ADAMTS17: variants seen among roughly 807,000 people sequenced by gnomAD.
The protein encoded by ADAMTS17 is ADAM metallopeptidase with thrombospondin type 1 motif 17, also known as A disintegrin and metalloproteinase with thrombospondin motifs 17.
In ADAMTS17, 113 loss-of-function variants were observed where a neutral mutation model predicts 141.5. The ratio of observed to expected loss-of-function variants is 0.80; its 90% confidence interval spans 0.69 to 0.93. The LOEUF is 0.93. ADAMTS17 is among the 40% of genes least tolerant of loss of function. The pLI is 0.00. For missense variants in ADAMTS17, 1,659 were observed against 1,517.9 expected, an observed-to-expected ratio of 1.09 and a Z score of -1.54; for synonymous variants, 768 against 630.6, an observed-to-expected ratio of 1.22 and a Z score of -3.27.
At chr15:100,231,069 G>A (rs537943021) in intron 7 of ADAMTS17, among the ~76,000 whole-genome samples, 5 of 152,322 alleles carry the variant, frequency 3.3e-5, no homozygotes, top group South Asian at 2.1e-4. Context: ...CAGAGAGAGC[G>A]CCTGCACATC....
At chr15:100,233,369 G>A (rs1272129774) in intron 7 of ADAMTS17, among the ~76,000 whole-genome samples, 2 of 151,656 alleles carry the variant, frequency 1.3e-5, no homozygotes. Flanking sequence ...TCACTGAAAA[G>A]TCATATAAGT....
intron 2 of ADAMTS17, among the ~76,000 whole-genome samples, chr15:100,335,816 T>G (rs762806395): frequency 2.7e-4 from 41 of 152,046 alleles, no homozygotes; most frequent in Non-Finnish European, 4.4e-5. Context: ...TTCAAAGGAG[T>G]TAAGTGACTC....
chr15:100,024,333 C>T lies in ADAMTS17; in HGVS notation c.2591+24524G>A, dbSNP rs191096512. Among the ~76,000 whole-genome samples, 57 of 152,322 alleles carry T rather than the reference C, an allele frequency of 3.7e-4. 1 individual carries two copies. Among genetic ancestry groups the T allele is most frequent in the Non-Finnish European group, 8.2e-4 (56 of 68,034 alleles). On this transcript the variant is annotated intron_variant, in intron 18 of 21. Transcript: ENST00000268070. The stretch of plus-strand genomic sequence containing the variant: ...CTGGTCTCAAACTCCTGGCTTCAAG[C>T]AGTCCTCCCACCTTGGCCTCCCAAA...
rs560720169 is a variant in ADAMTS17 at position 100,175,390 on chromosome 15, C to T, written c.1182-20070G>A. On this transcript the variant is annotated intron_variant, in intron 8 of 21. Coordinates refer to ENST00000268070, the MANE Select transcript of ADAMTS17 (RefSeq NM_139057.4). ...TTTCCTTCTGCTTCAGGTAGGAGGT[C>T]GGCATGATTTCACCGGACTGAGGCA... 9.9e-5 allele frequency among the ~76,000 whole-genome samples: 15 copies of T among 152,200 alleles called. No individual in the cohort carries two copies. In the East Asian group the frequency reaches 1.9e-3, roughly 20 times the overall value.
At chr15:100,201,921 G>A (rs1024371664) in intron 7 of ADAMTS17, among the ~76,000 whole-genome samples, 1 of 152,188 alleles carries the variant, frequency 6.6e-6, no homozygotes, top group Admixed American at 6.5e-5. Context: ...ATGTGCACGC[G>A]GCCCACGTGG....
At chr15:100,050,643 G>C (rs574720552) in intron 17 of ADAMTS17, among the ~76,000 whole-genome samples, 2 of 152,324 alleles carry the variant, frequency 1.3e-5, no homozygotes, top group African/African-American at 4.8e-5. Context: ...TTACATATTG[G>C]ACATCTAACA....
chr15:100,223,654 C>A (rs570338901), intron 7 of ADAMTS17, among the ~76,000 whole-genome samples: 5 of 151,442 alleles, frequency 3.3e-5, no homozygotes, highest in Non-Finnish European at 5.9e-5. Flanking sequence ...TAGAACTTCA[C>A]ACACACACAC....
At chr15:100,162,874 ATATG>A (rs2039782494) in intron 8 of ADAMTS17, among the ~76,000 whole-genome samples, 1 of 146,582 alleles carries the variant, frequency 6.8e-6, no homozygotes, top group African/African-American at 2.5e-5. Context: ...ATATATAACT[ATATG>A]TATATATATG....
intron 10 of ADAMTS17, among the ~76,000 whole-genome samples, chr15:100,148,156 G>A (rs913999423): frequency 3.3e-5 from 5 of 152,226 alleles, no homozygotes; most frequent in African/African-American, 1.2e-4. Context: ...CACTGGCAAA[G>A]TCCTTTCACC....
chr15:100,060,351 G>C (rs192896737), intron 15 of ADAMTS17, among the ~76,000 whole-genome samples: 1 of 152,224 alleles, frequency 6.6e-6, no homozygotes, highest in Non-Finnish European at 1.5e-5. Context: ...CAATGAGCTG[G>C]AGTGTGAGGT....
chr15:100,284,193 T>C (rs552476638), intron 3 of ADAMTS17, among the ~76,000 whole-genome samples: 9 of 152,374 alleles, frequency 5.9e-5, no homozygotes, highest in African/African-American at 2.2e-4. Flanking sequence ...ATAAGACCTG[T>C]GCCTCCCTAG....
chr15:100,203,582 G>A (rs946476936), intron 7 of ADAMTS17, among the ~76,000 whole-genome samples: 6 of 152,202 alleles, frequency 3.9e-5, no homozygotes, highest in Non-Finnish European at 7.3e-5. Context: ...GCAGGTGCCT[G>A]TAGTCCCAGC....
chr15:100,218,634 G>A (rs1304971671), intron 7 of ADAMTS17, among the ~76,000 whole-genome samples: 6 of 152,174 alleles, frequency 3.9e-5, no homozygotes, highest in Non-Finnish European at 8.8e-5. Flanking sequence ...ATGTAAAACG[G>A]TGTAGACACT....
chr15:100,025,001 A>C (rs1486958959), intron 18 of ADAMTS17, among the ~76,000 whole-genome samples: 1 of 152,164 alleles, frequency 6.6e-6, no homozygotes, highest in Non-Finnish European at 1.5e-5. Context: ...AGCTCCTGTG[A>C]AGTAACCTGC....
At chr15:100,132,940 G>A (rs772441938) in intron 11 of ADAMTS17, among the ~76,000 whole-genome samples, 2 of 152,228 alleles carry the variant, frequency 1.3e-5, no homozygotes, top group Non-Finnish European at 1.5e-5. Context: ...ATATACTGGT[G>A]AAAGTGTTCC....
intron 7 of ADAMTS17, among the ~76,000 whole-genome samples, chr15:100,205,453 T>C (rs75900749): frequency 0.039 from 5,910 of 152,192 alleles, 373 homozygotes; most frequent in African/African-American, 0.13. Flanking sequence ...CATGGAGATA[T>C]CGTGCAGATT....
At chr15:100,102,860 G>A (rs1394710008) in intron 14 of ADAMTS17, among the ~76,000 whole-genome samples, 3 of 152,136 alleles carry the variant, frequency 2.0e-5, no homozygotes, top group Non-Finnish European at 4.4e-5. Context: ...CCATGAGCAT[G>A]CCGATGCACC....
intron 6 of ADAMTS17, among the ~76,000 whole-genome samples, chr15:100,254,931 G>A (rs1384400024): frequency 2.0e-5 from 3 of 152,012 alleles, no homozygotes; most frequent in Non-Finnish European, 2.9e-5. Flanking sequence ...GTTGATCTGT[G>A]CTACAAACCA....
At chr15:100,009,383 A>G (rs1294798999) in intron 18 of ADAMTS17, among the ~76,000 whole-genome samples, 2 of 152,038 alleles carry the variant, frequency 1.3e-5, no homozygotes, top group African/African-American at 2.4e-5. Flanking sequence ...CCTCATCATG[A>G]CCCTGAAAGT....
Sources: allele counts gnomAD v4.1 joint callset (sites outside exome capture counted in the v4.1 genomes callset), GRCh38; gene constraint gnomAD v4.1.1; transcripts MANE v1.5; gene names NCBI Gene and HGNC (gene_info 2026-07-23, HGNC 2026-07-21).